The following KCNIP4 variants were observed in gnomAD, a reference collection of about 807,000 sequenced individuals.
KCNIP4 encodes Kv channel-interacting protein 4.
KCNIP4 carries 12 observed loss-of-function variants against 34.0 expected under a neutral mutation model. That is an observed-to-expected ratio of 0.35 (90% CI 0.23 to 0.57). KCNIP4 has a LOEUF of 0.57. Among genes scored for constraint, KCNIP4 ranks in the 20% least tolerant of loss-of-function variants. KCNIP4 has a pLI of 0.83. For missense variants in KCNIP4, 238 were observed against 311.7 expected (o/e 0.76, Z 1.78); for synonymous variants, 124 against 102.2 (o/e 1.21, Z -1.29).
chr4:21,096,021 T>G (rs1337569230), intron 1 of KCNIP4, among the ~76,000 whole-genome samples: 2 of 152,210 alleles, frequency 1.3e-5, no homozygotes, highest in African/African-American at 2.4e-5. Flanking sequence ...GGCATATAGC[T>G]TATCTTTGTA....
At chr4:21,604,210 T>C (rs1743450963) in intron 1 of KCNIP4, among the ~76,000 whole-genome samples, 2 of 152,134 alleles carry the variant, frequency 1.3e-5, no homozygotes, top group African/African-American at 4.8e-5. Flanking sequence ...ATTGTTGCAA[T>C]GCAGATGTGG....
chr4:21,302,545 T>A (rs1711855085), intron 1 of KCNIP4, among the ~76,000 whole-genome samples: 1 of 152,202 alleles, frequency 6.6e-6, no homozygotes, highest in Non-Finnish European at 1.5e-5. Flanking sequence ...GTGTACAACA[T>A]GAAGTCAGTT....
chr4:21,273,478 AAC>A (rs1762270602), intron 1 of KCNIP4, among the ~76,000 whole-genome samples: 1 of 152,168 alleles, frequency 6.6e-6, no homozygotes, highest in Non-Finnish European at 1.5e-5. Context: ...GTCATCTTTT[AAC>A]AGTGACAGTG....
intron 1 of KCNIP4, among the ~76,000 whole-genome samples, chr4:21,688,760 C>A (rs13102531): frequency 0.25 from 37,770 of 151,706 alleles, 5,849 homozygotes; most frequent in African/African-American, 0.44. Flanking sequence ...TTGTCTGGAC[C>A]ATTTAGCTTT....
intron 1 of KCNIP4, among the ~76,000 whole-genome samples, chr4:21,715,462 G>A (rs1714301281): frequency 6.6e-6 from 1 of 152,012 alleles, no homozygotes; most frequent in Admixed American, 6.6e-5. Context: ...CCAAGTTACT[G>A]AGCTATACTT....
intron 1 of KCNIP4, among the ~76,000 whole-genome samples, chr4:21,904,361 T>G (rs987361814): frequency 2.0e-5 from 3 of 152,180 alleles, no homozygotes; most frequent in Non-Finnish European, 4.4e-5. Flanking sequence ...AGCTTTCTAC[T>G]CTAGAAAACA....
At chr4:21,031,934 A>G (rs10007692) in intron 1 of KCNIP4, among the ~76,000 whole-genome samples, 2 of 152,310 alleles carry the variant, frequency 1.3e-5, no homozygotes, top group African/African-American at 2.4e-5. Context: ...CAATTCTGCA[A>G]TGTAACACAA....
intron 1 of KCNIP4, among the ~76,000 whole-genome samples, chr4:21,273,986 A>T (rs1364835): frequency 0.26 from 39,017 of 152,098 alleles, 5,194 homozygotes; most frequent in South Asian, 0.35. Context: ...AGGTGTGCTT[A>T]TTAAATTATT....
intron 1 of KCNIP4, among the ~76,000 whole-genome samples, chr4:21,798,998 G>T (rs78745628): frequency 6.7e-5 from 10 of 150,268 alleles, no homozygotes. Context: ...TTTCCTAGAA[G>T]AAATATCAAT....
chr4:21,827,419 C>T (rs1722738885), intron 1 of KCNIP4, among the ~76,000 whole-genome samples: 2 of 152,078 alleles, frequency 1.3e-5, no homozygotes, highest in East Asian at 3.9e-4. Context: ...ATAGAAGAAA[C>T]AGTCCTAAGG....
chr4:21,635,856 A>T (rs1407236889), intron 1 of KCNIP4, among the ~76,000 whole-genome samples: 1 of 151,274 alleles, frequency 6.6e-6, no homozygotes, highest in East Asian at 1.9e-4. Flanking sequence ...TTATTGCGGC[A>T]TTATTCACAA....
intron 1 of KCNIP4, among the ~76,000 whole-genome samples, chr4:21,841,986 C>T (rs2109321665): frequency 6.6e-6 from 1 of 152,236 alleles, no homozygotes; most frequent in East Asian, 1.9e-4. Flanking sequence ...GGAAATGCTC[C>T]TCCTTTTTAG....
intron 1 of KCNIP4, among the ~76,000 whole-genome samples, chr4:21,143,973 G>A (rs1752166136): frequency 1.3e-5 from 2 of 152,108 alleles, no homozygotes; most frequent in Admixed American, 1.3e-4. Flanking sequence ...CTCCCAAAGT[G>A]CTGCGATTAC....
At chr4:21,024,522 A>G (rs1202424643) in intron 1 of KCNIP4, among the ~76,000 whole-genome samples, 1 of 152,238 alleles carries the variant, frequency 6.6e-6, no homozygotes, top group Non-Finnish European at 1.5e-5. Flanking sequence ...TCTTCCAGAT[A>G]TTAGAGTTTA....
chr4:21,710,474 G>A (rs1284712379), intron 1 of KCNIP4, among the ~76,000 whole-genome samples: 1 of 152,222 alleles, frequency 6.6e-6, no homozygotes, highest in South Asian at 2.1e-4. Flanking sequence ...TACTGTAACC[G>A]AAAACCACCT....
chr4:21,863,037 A>C (rs1277413110), intron 1 of KCNIP4, among the ~76,000 whole-genome samples: 3 of 151,754 alleles, frequency 2.0e-5, no homozygotes, highest in Admixed American at 1.3e-4. Context: ...ATACTTTGGT[A>C]CTGTTAATAC....
At chr4:20,997,434 A>T (rs1347547951) in intron 1 of KCNIP4, among the ~76,000 whole-genome samples, 2 of 152,186 alleles carry the variant, frequency 1.3e-5, no homozygotes. Context: ...AGGTGATCTT[A>T]ACTGATGGTG....
chr4:21,177,267 A>C (rs2109311939), intron 1 of KCNIP4, among the ~76,000 whole-genome samples: 1 of 152,320 alleles, frequency 6.6e-6, no homozygotes, highest in South Asian at 2.1e-4. Flanking sequence ...CAAAATCCTA[A>C]ATTTAAGGAA....
intron 1 of KCNIP4, among the ~76,000 whole-genome samples, chr4:21,788,103 C>T (rs1410972112): frequency 6.6e-6 from 1 of 152,072 alleles, no homozygotes; most frequent in Non-Finnish European, 1.5e-5. Flanking sequence ...AACCAGAAGA[C>T]ATTCACTCTT....
Sources: allele counts gnomAD v4.1 joint callset (sites outside exome capture counted in the v4.1 genomes callset), GRCh38; gene constraint gnomAD v4.1.1; transcripts MANE v1.5; gene names NCBI Gene and HGNC (gene_info 2026-07-23, HGNC 2026-07-21).